The following FBXL17 variants were observed in gnomAD, a reference collection of about 807,000 sequenced individuals.
FBXL17 encodes F-box/LRR-repeat protein 17.
FBXL17 carries 22 observed loss-of-function variants against 66.2 expected under a neutral mutation model. That is an observed-to-expected ratio of 0.33 (90% CI 0.24 to 0.47). The LOEUF is 0.47. Among genes scored for constraint, FBXL17 ranks in the 20% least tolerant of loss-of-function variants. FBXL17 has a pLI of 1.00. For missense variants in FBXL17, 878 were observed against 948.2 expected, an observed-to-expected ratio of 0.93 and a Z score of 0.97; for synonymous variants, 474 against 400.5, an observed-to-expected ratio of 1.18 and a Z score of -2.19.
intron 4 of FBXL17, among the ~76,000 whole-genome samples, chr5:108,329,597 T>A (rs1013463478): frequency 6.6e-6 from 1 of 152,170 alleles, no homozygotes; most frequent in Non-Finnish European, 1.5e-5. Context: ...AGTACTACCA[T>A]AGCTCAATGA....
chr5:108,094,504 T>C (rs926240776), intron 6 of FBXL17, among the ~76,000 whole-genome samples: 2 of 152,104 alleles, frequency 1.3e-5, no homozygotes, highest in Non-Finnish European at 2.9e-5. Context: ...ATTCCATCTC[T>C]CTCCAATATA....
intron 6 of FBXL17, among the ~76,000 whole-genome samples, chr5:108,118,068 T>C (rs1460651084): frequency 2.0e-5 from 3 of 152,200 alleles, no homozygotes; most frequent in Non-Finnish European, 4.4e-5. Context: ...TGATATGGTA[T>C]AGTTCTACCT....
At chr5:108,320,121 TATC>T (rs1202752952) in intron 4 of FBXL17, among the ~76,000 whole-genome samples, 5 of 151,896 alleles carry the variant, frequency 3.3e-5, no homozygotes, top group East Asian at 3.9e-4. Context: ...ACTCTAAAAT[TATC>T]ATGTTTTCCT....
intron 5 of FBXL17, among the ~76,000 whole-genome samples, chr5:108,186,736 T>C (rs903278262): frequency 1.3e-5 from 2 of 148,188 alleles, no homozygotes. Flanking sequence ...ATCACTGCAC[T>C]CCAGCCTGGC....
At chr5:108,214,860 C>A (rs1175930590) in intron 5 of FBXL17, among the ~76,000 whole-genome samples, 3 of 152,128 alleles carry the variant, frequency 2.0e-5, no homozygotes, top group Non-Finnish European at 4.4e-5. Context: ...ACGTGTGCAA[C>A]CATCACCAAT....
At chr5:107,878,248 CTTTT>C in intron 8 of FBXL17, 2 of 964,186 alleles carry the variant, frequency 2.1e-6, no homozygotes, top group Non-Finnish European at 2.5e-6. Context: ...TTTTTCCTTT[CTTTT>C]TAATTGTCTT....
At chr5:108,099,067 T>C (rs894474180) in intron 6 of FBXL17, among the ~76,000 whole-genome samples, 3 of 152,214 alleles carry the variant, frequency 2.0e-5, no homozygotes, top group African/African-American at 4.8e-5. Context: ...CTACTTTATA[T>C]TCCCATTGCC....
chr5:108,246,651 G>A (rs951495167), intron 4 of FBXL17, among the ~76,000 whole-genome samples: 1 of 152,132 alleles, frequency 6.6e-6, no homozygotes, highest in Non-Finnish European at 1.5e-5. Context: ...TAATAATCTC[G>A]TAAACAGAAT....
intron 4 of FBXL17, among the ~76,000 whole-genome samples, chr5:108,335,342 T>A (rs1465710838): frequency 1.4e-5 from 2 of 140,918 alleles, no homozygotes. Context: ...ACAGTATCTT[T>A]AAAAAAAAAA....
intron 4 of FBXL17, among the ~76,000 whole-genome samples, chr5:108,319,769 T>G (rs1224023711): frequency 6.6e-6 from 1 of 151,712 alleles, no homozygotes; most frequent in Non-Finnish European, 1.5e-5. Context: ...CTATATAACT[T>G]CTATTAATAT....
chr5:108,098,541 C>G (rs1350458472), intron 6 of FBXL17, among the ~76,000 whole-genome samples: 1 of 151,812 alleles, frequency 6.6e-6, no homozygotes, highest in Non-Finnish European at 1.5e-5. Flanking sequence ...GTCAGGAGAT[C>G]GAGACCATCC....
chr5:108,250,492 T>C (rs963635215), intron 4 of FBXL17, among the ~76,000 whole-genome samples: 6 of 152,136 alleles, frequency 3.9e-5, no homozygotes, highest in Admixed American at 1.3e-4. Context: ...GAAAACATAA[T>C]TGTGTTGTGT....
intron 4 of FBXL17, among the ~76,000 whole-genome samples, chr5:108,344,081 G>A (rs1747083026): frequency 6.6e-6 from 1 of 152,156 alleles, no homozygotes; most frequent in African/African-American, 2.4e-5. Flanking sequence ...CAAGTCACAT[G>A]AGTAAGAAAC....
intron 7 of FBXL17, among the ~76,000 whole-genome samples, chr5:107,981,076 G>A (rs1041534346): frequency 1.2e-4 from 18 of 152,100 alleles, no homozygotes; most frequent in Non-Finnish European, 2.5e-4. Context: ...TCATAGAGAA[G>A]ATGAGACACA....
Position 108,382,078 on chromosome 5 carries a change from G to C in FBXL17, c.-387C>G, listed in dbSNP as rs1251106572. 24 of 595,600 alleles carry C rather than the reference G, an allele frequency of 4.0e-5. No homozygotes were observed. Among genetic ancestry groups the C allele is most frequent in the Non-Finnish European group, 5.1e-5 (24 of 467,808 alleles). 36.9% of individuals were successfully genotyped at this position (595,600 alleles called of 1,614,324 possible). On this transcript the variant is annotated 5_prime_UTR_variant, in exon 1 of 9. Coordinates refer to ENST00000542267, the MANE Select transcript of FBXL17 (RefSeq NM_001163315.3). Reference sequence around the variant, plus strand: ...CCATTTTAACTGCGGATCCGCCGCCGGCGCGCGCACCCGCGACTCTGCTCG... The same window carrying C: ...CCATTTTAACTGCGGATCCGCCGCCCGCGCGCGCACCCGCGACTCTGCTCG...
intron 6 of FBXL17, among the ~76,000 whole-genome samples, chr5:108,061,295 GA>G (rs35330686): frequency 0.046 from 6,878 of 148,152 alleles, 532 homozygotes; most frequent in African/African-American, 0.16. Context: ...ACAAAAAAAA[GA>G]AAAAAAAAAT....
At chr5:108,150,596 CT>C (rs1315535002) in intron 6 of FBXL17, among the ~76,000 whole-genome samples, 1 of 152,140 alleles carries the variant, frequency 6.6e-6, no homozygotes, top group African/African-American at 2.4e-5. Context: ...AATTTTTGCT[CT>C]TGTGTTTCAT....
chr5:108,313,054 A>G (rs1038236123), intron 4 of FBXL17, among the ~76,000 whole-genome samples: 1 of 152,136 alleles, frequency 6.6e-6, no homozygotes, highest in Admixed American at 6.6e-5. Flanking sequence ...CTGACTGTCC[A>G]ATGTTCAAGC....
At chr5:108,031,735 A>G (rs1746651393) in intron 6 of FBXL17, among the ~76,000 whole-genome samples, 1 of 152,136 alleles carries the variant, frequency 6.6e-6, no homozygotes, top group Non-Finnish European at 1.5e-5. Flanking sequence ...ACAGTAATAA[A>G]ACAGAGATGA....
Sources: allele counts gnomAD v4.1 joint callset (sites outside exome capture counted in the v4.1 genomes callset), GRCh38; gene constraint gnomAD v4.1.1; transcripts MANE v1.5; gene names NCBI Gene and HGNC (gene_info 2026-07-23, HGNC 2026-07-21).